Variants in HAPLN1 observed in about 807,000 individuals in gnomAD.
HAPLN1 encodes the protein Cartilage link protein.
HAPLN1 carries 13 observed loss-of-function variants against 36.5 expected under a neutral mutation model. The ratio of observed to expected loss-of-function variants is 0.36; its 90% CI spans 0.23 to 0.57. The LOEUF is 0.57. Among genes scored for constraint, HAPLN1 ranks in the 20% least tolerant of loss-of-function variants. The probability of loss-of-function intolerance (pLI) is 0.83; values close to 1 mark genes in which losing one functional copy is unlikely to be tolerated. For synonymous variants in HAPLN1, 202 were observed against 169.8 expected (o/e 1.19, Z -1.48); for missense variants, 407 against 439.7 (o/e 0.93, Z 0.66).
intron 1 of HAPLN1, among the ~76,000 whole-genome samples, chr5:83,678,528 C>G (rs2112606044): frequency 6.6e-6 from 1 of 152,214 alleles, no homozygotes; most frequent in East Asian, 1.9e-4. Context: ...TACTGACGGT[C>G]TAGGAAATAT....
rs796950451 is a variant in HAPLN1 at position 83,706,117 on chromosome 5, AAC to A, written c.-27+14670_-27+14671del. Among the ~76,000 whole-genome samples the A allele has an allele frequency of 1.5e-4, 23 of 151,478 alleles. 1 individual carries two copies. Among genetic ancestry groups the A allele is most frequent in the African/African-American group, 4.6e-4 (19 of 41,324 alleles). Reference sequence around the variant, plus strand: ...AGCCTACCAATCGAAAAAAAAAAAAAACAAAAGCCCAGGGCCAAATGAATTCA... The same window carrying A: ...AGCCTACCAATCGAAAAAAAAAAAAAAAAAGCCCAGGGCCAAATGAATTCA... On this transcript the variant is annotated intron_variant, in intron 1 of 4. Coordinates refer to ENST00000274341, the MANE Select transcript of HAPLN1 (RefSeq NM_001884.4).
intron 1 of HAPLN1, among the ~76,000 whole-genome samples, chr5:83,692,217 TGAA>T (rs1751293768): frequency 6.6e-6 from 1 of 151,844 alleles, no homozygotes; most frequent in African/African-American, 2.4e-5. Flanking sequence ...GAAAAAAATT[TGAA>T]GAAGTAATGA....
In HAPLN1 at chr5:83,658,960, C is replaced by T. The variant is rs187799043; in HGVS notation, c.101-6136G>A. Among the ~76,000 whole-genome samples, 338 of 152,176 alleles carry T rather than the reference C, an allele frequency of 2.2e-3. 1 individual carries two copies. The highest frequency in any genetic ancestry group is 0.017 in the Middle Eastern group (5 of 294). On this transcript the variant is annotated intron_variant, in intron 2 of 4. Coordinates refer to ENST00000274341, the MANE Select transcript of HAPLN1 (RefSeq NM_001884.4). The stretch of plus-strand genomic sequence containing the variant: ...AAATGATCTCATTCTTGCCTTGTGC[C>T]CTCACCTACTTTATTTGAATTTGAA...
At chr5:83,708,542 T>C (rs1202708208) in intron 1 of HAPLN1, among the ~76,000 whole-genome samples, 1 of 152,070 alleles carries the variant, frequency 6.6e-6, no homozygotes, top group East Asian at 1.9e-4. Flanking sequence ...AAGGGAACAA[T>C]AGACAATGGG....
intron 1 of HAPLN1, among the ~76,000 whole-genome samples, chr5:83,708,869 T>G (rs1023912421): frequency 3.3e-5 from 5 of 152,180 alleles, no homozygotes; most frequent in Non-Finnish European, 7.4e-5. Flanking sequence ...CTTTTGTCTT[T>G]TCTTTTCTTT....
At chr5:83,705,312 C>A (rs1751613315) in intron 1 of HAPLN1, among the ~76,000 whole-genome samples, 1 of 145,552 alleles carries the variant, frequency 6.9e-6, no homozygotes, top group Admixed American at 7.2e-5. Context: ...ACCACTTGAA[C>A]CTGGGAGGCG....
chr5:83,641,809 C>A (rs1456653918), intron 4 of HAPLN1, 24 bp from the exon 5 acceptor site: 4 of 1,603,842 alleles, frequency 2.5e-6, no homozygotes, highest in African/African-American at 1.3e-5. Context: ...GAGACAGAGT[C>A]AATGGGCTGG....
chr5:83,710,324 T>A (rs1486367696), intron 1 of HAPLN1, among the ~76,000 whole-genome samples: 1 of 152,098 alleles, frequency 6.6e-6, no homozygotes, highest in African/African-American at 2.4e-5. Flanking sequence ...CATAGAAGCC[T>A]GAAATCTAGG....
At chr5:83,654,782 G>A (rs1750167660) in intron 2 of HAPLN1, among the ~76,000 whole-genome samples, 1 of 152,178 alleles carries the variant, frequency 6.6e-6, no homozygotes, top group African/African-American at 2.4e-5. Context: ...TGTGAACAAG[G>A]GCTCTAATGT....
chr5:83,676,536 A>G (rs1350991674), intron 1 of HAPLN1, among the ~76,000 whole-genome samples: 1 of 152,184 alleles, frequency 6.6e-6, no homozygotes, highest in Admixed American at 6.5e-5. Context: ...GACTGAGGTC[A>G]TTGAGGTCAA....
intron 1 of HAPLN1, chr5:83,686,113 A>G (rs1035188675): frequency 6.6e-6 from 1 of 150,914 alleles, no homozygotes; most frequent in African/African-American, 2.4e-5. Context: ...GACGGAGCCA[A>G]AACAACAATT....
chr5:83,714,680 C>A (rs1315681055), intron 1 of HAPLN1, among the ~76,000 whole-genome samples: 1 of 152,194 alleles, frequency 6.6e-6, no homozygotes, highest in Non-Finnish European at 1.5e-5. Context: ...ATTCCTTTTT[C>A]ATCTCCACGA....
chr5:83,645,513 G>T (rs1220499250), intron 3 of HAPLN1, among the ~76,000 whole-genome samples: 13 of 85,920 alleles, frequency 1.5e-4, no homozygotes, highest in African/African-American at 6.3e-4. Flanking sequence ...TATCATTAGT[G>T]TTAGTATATT....
intron 3 of HAPLN1, among the ~76,000 whole-genome samples, chr5:83,646,124 TAAAGGCTAAGGATTACCACATAAG>T (rs1422404165): frequency 1.3e-5 from 2 of 152,226 alleles, no homozygotes; most frequent in Non-Finnish European, 2.9e-5. Context: ...CCATTTTCTT[TAAAGGCTAAGGATTACCACATAAG>T]AAAGCAAAGT....
chr5:83,702,425 C>A (rs952767859), intron 1 of HAPLN1, among the ~76,000 whole-genome samples: 1 of 152,016 alleles, frequency 6.6e-6, no homozygotes, highest in African/African-American at 2.4e-5. Context: ...GTCTTGTTAG[C>A]AATAAGACTG....
At chr5:83,689,560 C>T (rs1247191273) in intron 1 of HAPLN1, among the ~76,000 whole-genome samples, 1 of 152,096 alleles carries the variant, frequency 6.6e-6, no homozygotes, top group Non-Finnish European at 1.5e-5. Flanking sequence ...AATAACTTCA[C>T]TATTTTGCCT....
In HAPLN1 at chr5:83,652,574, G is replaced by T. The variant is rs753185844; in HGVS notation, c.351C>A (p.Gly117=). 3.7e-6 allele frequency: 6 copies of T among 1,614,110 alleles called. No individual in the cohort carries two copies. The highest frequency in any genetic ancestry group is 5.1e-6 in the Non-Finnish European group (6 of 1,180,018). Residue 117 remains glycine (G), a synonymous_variant, in exon 3 of 5, where the codon GGC becomes GGA. Transcript: ENST00000274341. ...TGACCAGAGAAGCATCACTATCACTGCCTCCCTTCAGAAACACTCTACCCT... is the reference window on the plus strand; with the variant it reads ...TGACCAGAGAAGCATCACTATCACTTCCTCCCTTCAGAAACACTCTACCCT... ...GYQGRVFLKG[G]SDSDASLVIT...
intron 3 of HAPLN1, among the ~76,000 whole-genome samples, chr5:83,649,530 T>G (rs569541992): frequency 6.8e-4 from 103 of 152,068 alleles, no homozygotes; most frequent in Non-Finnish European, 1.1e-3. Flanking sequence ...CTCACTGCAA[T>G]CTCCGCCTCC....
intron 2 of HAPLN1, among the ~76,000 whole-genome samples, chr5:83,672,843 A>G (rs1750763969): frequency 6.6e-6 from 1 of 152,182 alleles, no homozygotes. Context: ...GGACTGAGGA[A>G]ATAGCTGCAT....
Sources: gnomAD v4.1 joint callset for allele counts (sites outside exome capture counted in the v4.1 genomes callset) on GRCh38, gnomAD v4.1.1 for gene constraint, MANE v1.5 for transcripts, NCBI Gene and HGNC (gene_info 2026-07-23, HGNC 2026-07-21) for gene names.